The following GSDME variants were observed in gnomAD, a reference collection of about 807,000 sequenced individuals.
GSDME encodes gasdermin E, also known as gasdermin-E.
GSDME carries 44 observed loss-of-function variants against 47.5 expected under a neutral mutation model. The observed-to-expected ratio is 0.93, with a 90% CI of 0.73 to 1.19. GSDME has a LOEUF of 1.19. Among genes scored for constraint, GSDME ranks in the 50% most tolerant of loss-of-function variants. The pLI, the probability that GSDME is intolerant of heterozygous loss-of-function variation, is 0.00. For synonymous variants in GSDME, 258 were observed against 252.8 expected, an observed-to-expected ratio of 1.02 and a Z score of -0.20; for missense variants, 663 against 604.2, an observed-to-expected ratio of 1.10 and a Z score of -1.02.
chr7:24,719,618 C>A (rs1789700763), intron 3 of GSDME, among the ~76,000 whole-genome samples: 1 of 151,574 alleles, frequency 6.6e-6, no homozygotes, highest in African/African-American at 2.4e-5. Flanking sequence ...CATGGTGAAA[C>A]CCTGTCTCCA....
At chr7:24,710,495 C>T in intron 5 of GSDME, 107 bp from the exon 6 acceptor site, 1 of 1,062,446 alleles carries the variant, frequency 9.4e-7, no homozygotes, top group Non-Finnish European at 1.4e-6. Flanking sequence ...AGACGTAACT[C>T]AGTGGAGCAG....
At chr7:24,772,720 T>C in the GSDME span, among the ~76,000 whole-genome samples, 1 of 152,264 alleles carries the variant, frequency 6.6e-6, no homozygotes, top group Admixed American at 6.5e-5. The surrounding 1 kb of genome is among the most constrained non-coding windows in gnomAD (Gnocchi z 4.5). Flanking sequence ...TTTATATCTT[T>C]GCAAAGACAG....
At chr7:24,782,248 G>A in the GSDME span, among the ~76,000 whole-genome samples, 2 of 133,732 alleles carry the variant, frequency 1.5e-5, no homozygotes, top group Non-Finnish European at 3.1e-5. Context: ...CCCGGTGTGT[G>A]ATGTTCCCCT....
At chr7:24,711,918 C>G (rs1323418812) in intron 5 of GSDME, among the ~76,000 whole-genome samples, 1 of 151,624 alleles carries the variant, frequency 6.6e-6, no homozygotes, top group Admixed American at 6.6e-5. Context: ...TAAGTTATTA[C>G]GTCCTTGCTA....
Position 24,732,398 on chromosome 7 carries a change from G to A in GSDME, c.404+12164C>T, listed in dbSNP as rs149904500. ...CAAGATGGGTGAATGGAAGCCTCCC[G>A]TGATTGTTCTCCCCACAGGAACACC... On this transcript the variant is annotated intron_variant, in intron 3 of 9. Transcript: ENST00000645220. The surrounding 1 kb of genome is among the most constrained non-coding windows in gnomAD (Gnocchi z 4.8). Among the ~76,000 whole-genome samples, 147 of 152,324 alleles carry A rather than the reference G, an allele frequency of 9.7e-4. No homozygotes were observed. Among genetic ancestry groups the A allele is most frequent in the African/African-American group, 3.3e-3 (136 of 41,566 alleles).
the GSDME span, among the ~76,000 whole-genome samples, chr7:24,792,515 C>A: frequency 1.3e-5 from 2 of 152,140 alleles, no homozygotes; most frequent in Admixed American, 1.3e-4. Flanking sequence ...TATAACAAGG[C>A]AAGCATTAAA....
At position 24,728,843 on chromosome 7, in the gene GSDME, A is replaced by C. The variant is rs1413234974; in HGVS notation, c.405-9625T>G. ...CTCAACTCCTGTGCCCTGGGCCTCC[A>C]CTTCCAACACAGTGAGATAAGCCCT... is the stretch of plus-strand genomic sequence containing the variant. On this transcript the variant is annotated intron_variant, in intron 3 of 9. Coordinates refer to ENST00000645220, the MANE Select transcript of GSDME (RefSeq NM_001127453.2). The surrounding 1 kb of genome is among the most constrained non-coding windows in gnomAD (Gnocchi z 7.2). 3.3e-5 allele frequency among the ~76,000 whole-genome samples: 5 copies of C among 152,200 alleles called. No individual in the cohort carries two copies. Among genetic ancestry groups the C allele is most frequent in the Admixed American group, 1.3e-4 (2 of 15,282 alleles).
chr7:24,746,333 T>G (rs1790667906), intron 2 of GSDME, among the ~76,000 whole-genome samples: 1 of 152,204 alleles, frequency 6.6e-6, no homozygotes, highest in Non-Finnish European at 1.5e-5. Flanking sequence ...CTATCCCTAC[T>G]CTAATATTAC....
chr7:24,706,095 TACC>T, intron 8 of GSDME, 86 bp downstream of exon 8: 4 of 1,490,550 alleles, frequency 2.7e-6, no homozygotes, highest in Non-Finnish European at 3.7e-6. Flanking sequence ...CTTCCACAGT[TACC>T]ACCTCTGTGT....
the GSDME span, among the ~76,000 whole-genome samples, chr7:24,794,138 T>G: frequency 1.3e-5 from 2 of 150,848 alleles, no homozygotes; most frequent in African/African-American, 4.8e-5. Context: ...ACTACTTGTA[T>G]ATCTCTCTCT....
rs570537388 is a variant in GSDME, at chr7:24,714,730, G to A, written c.697+2524C>T. Among the ~76,000 whole-genome samples, 55 of 152,350 alleles carry A rather than the reference G, an allele frequency of 3.6e-4. 4 individuals carry two copies. The South Asian group carries it at 0.011, about 32-fold the overall frequency. On this transcript the variant is annotated intron_variant, in intron 5 of 9. Transcript: ENST00000645220. The surrounding 1 kb of genome is among the most constrained non-coding windows in gnomAD (Gnocchi z 5.0). ...TGTCTTTCAAACCCCATCTGAGAAAGAGAGGCTACCTCCACAGAGCTGCGT... is the reference window on the plus strand; with the variant it reads ...TGTCTTTCAAACCCCATCTGAGAAAAAGAGGCTACCTCCACAGAGCTGCGT...
At position 24,728,289 on chromosome 7, in the gene GSDME, G is replaced by A. The variant is rs796906907; in HGVS notation, c.405-9071C>T. On this transcript the variant is annotated intron_variant, in intron 3 of 9. Transcript: ENST00000645220. The surrounding 1 kb of genome is among the most constrained non-coding windows in gnomAD (Gnocchi z 7.2). ...GAGAACTTGAGCTGCCAGGACAGAT[G>A]GCGGCTGCCACAGGGGCCCACAGAG... Among the ~76,000 whole-genome samples the A allele has an allele frequency of 5.3e-5, 8 of 152,308 alleles. No homozygotes were observed. Among genetic ancestry groups the A allele is most frequent in the African/African-American group, 1.9e-4 (8 of 41,584 alleles).
At chr7:24,750,619 G>A (rs1790827703) in intron 1 of GSDME, among the ~76,000 whole-genome samples, 1 of 152,112 alleles carries the variant, frequency 6.6e-6, no homozygotes, top group Non-Finnish European at 1.5e-5. Context: ...TCTCAAAAAG[G>A]CAGAGAGCTG....
In GSDME at chr7:24,754,209, G is replaced by A. The variant is rs913293484; in HGVS notation, c.-20+3187C>T. ...AGCCTTAAAAGTTATATTAGCAGCC[G>A]GGCCTGGTGGCTCATGCCTGTAATC... On this transcript the variant is annotated intron_variant, in intron 1 of 9. Coordinates refer to ENST00000645220, the MANE Select transcript of GSDME (RefSeq NM_001127453.2). The surrounding 1 kb of genome is among the most constrained non-coding windows in gnomAD (Gnocchi z 5.0). 2.0e-5 allele frequency among the ~76,000 whole-genome samples: 3 copies of A among 152,114 alleles called. No homozygotes were observed. Among genetic ancestry groups the A allele is most frequent in the Admixed American group, 1.3e-4 (2 of 15,274 alleles).
the GSDME span, among the ~76,000 whole-genome samples, chr7:24,791,921 G>A: frequency 6.6e-6 from 1 of 152,226 alleles, no homozygotes; most frequent in African/African-American, 2.4e-5. The surrounding 1 kb of genome is among the most constrained non-coding windows in gnomAD (Gnocchi z 4.8). Context: ...GAAGCTGGAT[G>A]GCCCTCGGGG....
rs1351040426 is a variant in GSDME at position 24,754,169 on chromosome 7, C to G, written c.-20+3227G>C. ...CACTTCACAGTTGTTACATAGATCA[C>G]GGACTCTCGCACAGAGCCTTAAAAG... On this transcript the variant is annotated intron_variant, in intron 1 of 9. Coordinates refer to ENST00000645220, the MANE Select transcript of GSDME (RefSeq NM_001127453.2). The surrounding 1 kb of genome is among the most constrained non-coding windows in gnomAD (Gnocchi z 5.0). Among the ~76,000 whole-genome samples the G allele has an allele frequency of 2.0e-5, 3 of 152,166 alleles. No homozygotes were observed. Among genetic ancestry groups the G allele is most frequent in the Non-Finnish European group, 4.4e-5 (3 of 68,032 alleles).
chr7:24,736,419 A>G lies in GSDME; in HGVS notation c.404+8143T>C, dbSNP rs1001629612. Among the ~76,000 whole-genome samples the G allele has an allele frequency of 1.3e-5, 2 of 152,230 alleles. No homozygotes were observed. The highest frequency in any genetic ancestry group is 2.9e-5 in the Non-Finnish European group (2 of 68,026). On this transcript the variant is annotated intron_variant, in intron 3 of 9. Coordinates refer to ENST00000645220, the MANE Select transcript of GSDME (RefSeq NM_001127453.2). The surrounding 1 kb of genome is among the most constrained non-coding windows in gnomAD (Gnocchi z 4.6). Reference sequence around the variant, plus strand: ...ATTTCAAGACAAAAACTATAAGAAGAGACAAAGAAGGTTACTATATAATGA... The same window carrying G: ...ATTTCAAGACAAAAACTATAAGAAGGGACAAAGAAGGTTACTATATAATGA...
At chr7:24,717,497 T>A (rs1789612850) in intron 4 of GSDME, 123 bp from the exon 5 acceptor site, 1 of 1,480,774 alleles carries the variant, frequency 6.8e-7, no homozygotes, top group Non-Finnish European at 9.2e-7. Context: ...CAGAACCGAG[T>A]GGAACAGAGG....
chr7:24,761,195 G>T (rs1223413551), upstream of GSDME, among the ~76,000 whole-genome samples: 1 of 152,220 alleles, frequency 6.6e-6, no homozygotes, highest in Non-Finnish European at 1.5e-5. The surrounding 1 kb of genome is among the most constrained non-coding windows in gnomAD (Gnocchi z 4.4). Context: ...TCACTCAGTG[G>T]AATTTAGCTG....
Sources: allele counts gnomAD v4.1 joint callset (sites outside exome capture counted in the v4.1 genomes callset), GRCh38; gene constraint gnomAD v4.1.1; non-coding constraint Gnocchi (gnomAD v3.1); transcripts MANE v1.5; gene names NCBI Gene and HGNC (gene_info 2026-07-23, HGNC 2026-07-21).